Variants in KLF12 observed in about 807,000 individuals in gnomAD.
KLF12 encodes the protein KLF transcription factor 12, also known as Krueppel-like factor 12.
In KLF12, 9 loss-of-function variants were observed where a neutral mutation model predicts 37.8. The observed-to-expected ratio is 0.24, with a 90% confidence interval of 0.14 to 0.42. The LOEUF is 0.42. Ranked by LOEUF, KLF12 falls within the 10% of genes least tolerant of loss-of-function variation. KLF12 has a pLI of 1.00. For synonymous variants in KLF12, 208 were observed against 202.1 expected (o/e 1.03, Z -0.25); for missense variants, 411 against 516.0 (o/e 0.80, Z 1.97).
the KLF12 span, among the ~76,000 whole-genome samples, chr13:74,176,383 C>G: frequency 2.6e-5 from 4 of 152,176 alleles, no homozygotes; most frequent in African/African-American, 4.8e-5. Flanking sequence ...TACCCCAGGT[C>G]TAGACATTAT....
At chr13:74,071,849 T>A (rs2138706195) in intron 1 of KLF12, among the ~76,000 whole-genome samples, 1 of 152,332 alleles carries the variant, frequency 6.6e-6, no homozygotes, top group African/African-American at 2.4e-5. Flanking sequence ...TGGGTCTGAC[T>A]GTGTATGGTG....
chr13:73,723,579 A>C (rs992387990), intron 6 of KLF12, among the ~76,000 whole-genome samples: 1 of 152,014 alleles, frequency 6.6e-6, no homozygotes, highest in African/African-American at 2.4e-5. Flanking sequence ...TGCCCTCCTC[A>C]TTCTGGCATG....
chr13:73,895,975 C>T (rs1204547453), intron 3 of KLF12, among the ~76,000 whole-genome samples: 2 of 152,110 alleles, frequency 1.3e-5, no homozygotes, highest in Middle Eastern at 6.3e-3. Flanking sequence ...CGCGTGCCAC[C>T]ACGCCTGACT....
chr13:73,918,053 TACAA>T (rs988476864), intron 3 of KLF12, among the ~76,000 whole-genome samples: 3 of 151,602 alleles, frequency 2.0e-5, no homozygotes, highest in African/African-American at 7.3e-5. Flanking sequence ...TACACATATA[TACAA>T]ACAAATATAT....
intron 3 of KLF12, among the ~76,000 whole-genome samples, chr13:73,917,933 G>GAAA (rs754651604): frequency 6.9e-6 from 1 of 144,454 alleles, no homozygotes; most frequent in African/African-American, 2.5e-5. Context: ...AGTGAGAAAT[G>GAAA]AAAAAAAAAA....
At chr13:74,179,257 C>T in the KLF12 span, among the ~76,000 whole-genome samples, 3 of 152,194 alleles carry the variant, frequency 2.0e-5, no homozygotes, top group Non-Finnish European at 2.9e-5. Flanking sequence ...GGAGCCATTA[C>T]AGCTATGGAG....
At chr13:73,927,880 A>G (rs1464609880) in intron 3 of KLF12, among the ~76,000 whole-genome samples, 2 of 112,008 alleles carry the variant, frequency 1.8e-5, no homozygotes, top group East Asian at 2.5e-4. Context: ...TTTTTTTCAG[A>G]CAGAGTCTCA....
intron 2 of KLF12, among the ~76,000 whole-genome samples, chr13:73,973,126 G>A (rs1203622425): frequency 6.6e-6 from 1 of 152,086 alleles, no homozygotes; most frequent in Admixed American, 6.6e-5. Flanking sequence ...TTTTGCCCCA[G>A]GAAATGCATA....
chr13:74,017,591 G>A (rs562857375), intron 1 of KLF12, among the ~76,000 whole-genome samples: 1 of 110,110 alleles, frequency 9.1e-6, no homozygotes, highest in South Asian at 3.1e-4. Context: ...ACCTTTTTAA[G>A]TGATGGTACA....
intron 1 of KLF12, among the ~76,000 whole-genome samples, chr13:74,039,637 G>C (rs2138530130): frequency 6.6e-6 from 1 of 152,164 alleles, no homozygotes; most frequent in East Asian, 1.9e-4. Flanking sequence ...TTGTGCTTTG[G>C]CCTTAAAGAT....
At chr13:73,989,946 G>C (rs1348758615) in intron 2 of KLF12, among the ~76,000 whole-genome samples, 2 of 149,302 alleles carry the variant, frequency 1.3e-5, no homozygotes, top group African/African-American at 4.9e-5. Flanking sequence ...CAAGGCAGAG[G>C]TACAAGTGTA....
At chr13:74,015,306 A>G (rs1238921602) in intron 1 of KLF12, among the ~76,000 whole-genome samples, 1 of 152,206 alleles carries the variant, frequency 6.6e-6, no homozygotes, top group Non-Finnish European at 1.5e-5. Context: ...TGGTGAGCAC[A>G]GGGTACCATA....
chr13:74,097,701 TA>T, intron 1 of KLF12, among the ~76,000 whole-genome samples: 1 of 148,826 alleles, frequency 6.7e-6, no homozygotes, highest in East Asian at 1.9e-4. Flanking sequence ...TATATACATA[TA>T]TATATATGTA....
intron 6 of KLF12, among the ~76,000 whole-genome samples, chr13:73,734,637 T>A (rs1000637587): frequency 6.6e-6 from 1 of 152,020 alleles, no homozygotes; most frequent in Non-Finnish European, 1.5e-5. Context: ...GGGGGAAACA[T>A]GATTTTGCTA....
the KLF12 span, among the ~76,000 whole-genome samples, chr13:74,213,769 C>A: frequency 2.0e-5 from 3 of 152,020 alleles, no homozygotes; most frequent in Non-Finnish European, 4.4e-5. Flanking sequence ...TGAAAAATAT[C>A]TCCTTGAAGC....
intron 6 of KLF12, among the ~76,000 whole-genome samples, chr13:73,752,344 A>G (rs959013635): frequency 6.9e-6 from 1 of 145,676 alleles, no homozygotes; most frequent in African/African-American, 2.6e-5. Flanking sequence ...AATGGTTTGC[A>G]GGCATTTTTA....
At chr13:73,738,092 CATATATATATATATATATATAT>C (rs778759106) in intron 6 of KLF12, among the ~76,000 whole-genome samples, 4 of 116,756 alleles carry the variant, frequency 3.4e-5, no homozygotes, top group Non-Finnish European at 5.3e-5. Flanking sequence ...TGTATGTGTA[CATATATATATATATATATATAT>C]ATATATATAT....
intron 1 of KLF12, among the ~76,000 whole-genome samples, chr13:74,022,374 T>C (rs1350212503): frequency 6.6e-6 from 1 of 152,108 alleles, no homozygotes; most frequent in Non-Finnish European, 1.5e-5. Flanking sequence ...TATCTGTACT[T>C]ATGTCTATAC....
At chr13:73,812,408 T>G (rs1420348933) in intron 5 of KLF12, among the ~76,000 whole-genome samples, 2 of 132,038 alleles carry the variant, frequency 1.5e-5, no homozygotes, top group Non-Finnish European at 3.5e-5. Context: ...CTATGTAAGG[T>G]GAGGAATGTA....
Sources: allele counts gnomAD v4.1 joint callset (sites outside exome capture counted in the v4.1 genomes callset), GRCh38; gene constraint gnomAD v4.1.1; transcripts MANE v1.5; gene names NCBI Gene and HGNC (gene_info 2026-07-23, HGNC 2026-07-21).